HRH1: variants seen among roughly 807,000 people sequenced by gnomAD.
The protein encoded by HRH1 is histamine H1 receptor.
A neutral mutation model predicts 10.3 loss-of-function variants in HRH1; 6 were observed. The ratio of observed to expected loss-of-function variants is 0.58; its 90% confidence interval spans 0.32 to 1.15. HRH1 has a LOEUF of 1.15. Among genes scored for constraint, HRH1 ranks in the 50% most tolerant of loss-of-function variants. HRH1 has a pLI of 0.05. For synonymous variants in HRH1, 242 were observed against 236.7 expected (o/e 1.02, Z -0.21); for missense variants, 514 against 615.3 (o/e 0.84, Z 1.74).
chr3:11,239,636 A>G (rs944372539), intron 1 of HRH1, among the ~76,000 whole-genome samples: 4 of 152,204 alleles, frequency 2.6e-5, no homozygotes, highest in Admixed American at 1.3e-4. Context: ...ACTATCATCA[A>G]TTATGAGTAA....
At chr3:11,148,741 A>G (rs923607226) in intron 1 of HRH1, among the ~76,000 whole-genome samples, 4 of 151,894 alleles carry the variant, frequency 2.6e-5, no homozygotes, top group African/African-American at 7.3e-5. Flanking sequence ...CCTTGCTACA[A>G]GGGAGGCTGG....
rs1575042804 is a variant in HRH1 at position 11,249,946 on chromosome 3, GGTGA to G, written c.-35-9054_-35-9051del. Among the ~76,000 whole-genome samples the G allele has an allele frequency of 3.3e-5, 5 of 152,046 alleles. No individual in the cohort carries two copies. In the East Asian group the frequency reaches 9.6e-4, roughly 29 times the overall value. On this transcript the variant is annotated intron_variant, in intron 1 of 1. Transcript: ENST00000431010. The stretch of plus-strand genomic sequence containing the variant: ...ACAAGCATAGAAAGTGATAGTTTGA[GGTGA>G]GTTAGACTTAGTAACATTAATAATA...
At position 11,234,525 on chromosome 3, in the gene HRH1, G is replaced by A. The variant is rs570478406; in HGVS notation, c.-35-24478G>A. The A allele has an allele frequency of 7.6e-5, 107 of 1,414,910 alleles. 1 individual carries two copies. Among genetic ancestry groups the A allele is most frequent in the Admixed American group, 5.5e-4 (33 of 59,762 alleles). 87.6% of individuals were successfully genotyped at this position (1,414,910 alleles called of 1,614,324 possible). A position where few individuals can be genotyped will look rare whatever the true frequency, so the allele number is the denominator to read the frequency against. On this transcript the variant is annotated intron_variant, in intron 1 of 1. Transcript: ENST00000431010. ...CTGGCCATTCCCCCAAGGCATGGAC[G>A]GTTCCAGTTAATGTCTTCATTGGTA... is the stretch of plus-strand genomic sequence containing the variant.
intron 1 of HRH1, among the ~76,000 whole-genome samples, chr3:11,206,710 G>T (rs1361097854): frequency 6.6e-6 from 1 of 152,252 alleles, no homozygotes; most frequent in Non-Finnish European, 1.5e-5. Flanking sequence ...GCCCCCGGAA[G>T]TCAAACCCTC....
chr3:11,190,892 G>A (rs904499655), intron 1 of HRH1, among the ~76,000 whole-genome samples: 14 of 152,186 alleles, frequency 9.2e-5, no homozygotes, highest in African/African-American at 2.4e-4. Flanking sequence ...TTCCTGGTCC[G>A]CATTTGGGCC....
At chr3:11,140,129 G>A (rs1936263607) in intron 1 of HRH1, among the ~76,000 whole-genome samples, 2 of 152,192 alleles carry the variant, frequency 1.3e-5, no homozygotes, top group Non-Finnish European at 2.9e-5. Flanking sequence ...CCCATGTACA[G>A]TGAACGACCC....
chr3:11,224,889 C>T (rs1437427631), intron 1 of HRH1, among the ~76,000 whole-genome samples: 1 of 152,070 alleles, frequency 6.6e-6, no homozygotes, highest in Admixed American at 6.5e-5. Flanking sequence ...AACACAGGTC[C>T]AATTCTTATC....
chr3:11,208,153 CTTTTTTT>C (rs113950173), intron 1 of HRH1, among the ~76,000 whole-genome samples: 21,522 of 139,938 alleles, frequency 0.15, 2,095 homozygotes, highest in South Asian at 0.33. Flanking sequence ...CCAGTTTTTT[CTTTTTTT>C]TTTTTTTTTT....
In HRH1 at chr3:11,148,072, CAA is replaced by C. The variant is rs1438585709; in HGVS notation, c.-36+10674_-36+10675del. Among the ~76,000 whole-genome samples the C allele has an allele frequency of 4.0e-5, 6 of 151,412 alleles. No homozygotes were observed. The East Asian group carries it at 1.2e-3, about 30-fold the overall frequency. On this transcript the variant is annotated intron_variant, in intron 1 of 1. Transcript: ENST00000438284. ...GTGCACACCTGTAGTCCCAGCTACT[CAA>C]GAGGCTGAGGCAGGAGAAACGCTTG...
intron 1 of HRH1, among the ~76,000 whole-genome samples, chr3:11,177,049 C>T (rs957527256): frequency 1.3e-5 from 2 of 151,388 alleles, no homozygotes; most frequent in Admixed American, 1.3e-4. Flanking sequence ...GACAAGATTG[C>T]GCCACTGCAC....
At chr3:11,235,026 TAACAC>T (rs1430143989) in intron 1 of HRH1, among the ~76,000 whole-genome samples, 6 of 152,014 alleles carry the variant, frequency 3.9e-5, no homozygotes, top group Non-Finnish European at 8.8e-5. Flanking sequence ...CCATCCTGGC[TAACAC>T]AGTGAAACCC....
chr3:11,188,414 C>T (rs1937484758), intron 1 of HRH1, among the ~76,000 whole-genome samples: 1 of 152,080 alleles, frequency 6.6e-6, no homozygotes, highest in African/African-American at 2.4e-5. Context: ...CCAGCCTGGC[C>T]AACATGGCAC....
intron 1 of HRH1, among the ~76,000 whole-genome samples, chr3:11,197,017 C>G (rs1054338934): frequency 6.7e-6 from 1 of 149,062 alleles, no homozygotes; most frequent in Non-Finnish European, 1.5e-5. Context: ...CCCAGCTACT[C>G]AGGAGGCTGA....
intron 1 of HRH1, among the ~76,000 whole-genome samples, chr3:11,182,518 T>G (rs1174801768): frequency 6.6e-6 from 1 of 152,222 alleles, no homozygotes; most frequent in Non-Finnish European, 1.5e-5. Context: ...TCTATCCATT[T>G]CATGGATGAA....
At chr3:11,180,375 G>A (rs1473415261) in intron 1 of HRH1, among the ~76,000 whole-genome samples, 2 of 152,138 alleles carry the variant, frequency 1.3e-5, no homozygotes, top group Non-Finnish European at 2.9e-5. Context: ...AGATCAACAG[G>A]TATTAGTTAG....
intron 1 of HRH1, among the ~76,000 whole-genome samples, chr3:11,205,029 A>G (rs977103754): frequency 6.6e-6 from 1 of 152,204 alleles, no homozygotes; most frequent in Non-Finnish European, 1.5e-5. Flanking sequence ...ATTGTATTCC[A>G]TTAAGCCTAA....
intron 1 of HRH1, among the ~76,000 whole-genome samples, chr3:11,189,286 G>A (rs905454498): frequency 1.3e-5 from 2 of 152,148 alleles, no homozygotes; most frequent in African/African-American, 4.8e-5. Context: ...GTAGGGGAAC[G>A]GCTCTGGATT....
chr3:11,177,614 T>G (rs527507142), intron 1 of HRH1, among the ~76,000 whole-genome samples: 2 of 152,332 alleles, frequency 1.3e-5, no homozygotes, highest in African/African-American at 4.8e-5. Context: ...CTATCTTCCC[T>G]GCTAGATGCT....
intron 1 of HRH1, among the ~76,000 whole-genome samples, chr3:11,241,939 G>A: frequency 6.6e-6 from 1 of 152,166 alleles, no homozygotes; most frequent in South Asian, 2.1e-4. Flanking sequence ...ATGTACCAGT[G>A]GGCGCTCTCT....
Sources: gnomAD v4.1 joint callset for allele counts (sites outside exome capture counted in the v4.1 genomes callset) on GRCh38, gnomAD v4.1.1 for gene constraint, MANE v1.5 for transcripts, NCBI Gene and HGNC (gene_info 2026-07-23, HGNC 2026-07-21) for gene names.